ATP10B: variants seen among roughly 807,000 people sequenced by gnomAD.
ATP10B encodes the protein phospholipid-transporting ATPase VB.
In ATP10B, 122 loss-of-function variants were observed where a neutral mutation model predicts 141.2. That is an observed-to-expected ratio of 0.86 (90% CI 0.75 to 1.00). The LOEUF (loss-of-function observed/expected upper bound fraction) is 1.00. Ranked by LOEUF, ATP10B falls within the 50% of genes least tolerant of loss-of-function variation. The pLI is 0.00. For synonymous variants in ATP10B, 685 were observed against 692.0 expected (o/e 0.99, Z 0.16); for missense variants, 1,876 against 1,825.3 (o/e 1.03, Z -0.51).
At chr5:160,602,521 G>A (rs1031961774) in intron 21 of ATP10B, 56 bp downstream of exon 21, 1 of 1,609,304 alleles carries the variant, frequency 6.2e-7, no homozygotes, top group Admixed American at 1.7e-5. Flanking sequence ...GAGAGATCTG[G>A]CCCCGTGGCA....
intron 3 of ATP10B, among the ~76,000 whole-genome samples, chr5:160,701,165 G>A (rs967862516): frequency 1.3e-5 from 2 of 151,918 alleles, no homozygotes; most frequent in Non-Finnish European, 2.9e-5. Context: ...GAAATACTTC[G>A]CCAAACTCTA....
chr5:160,922,669 A>G, the ATP10B span, among the ~76,000 whole-genome samples: 1 of 152,220 alleles, frequency 6.6e-6, no homozygotes, highest in Non-Finnish European at 1.5e-5. Flanking sequence ...ACCAATCTGA[A>G]AAACAAATCT....
chr5:160,874,946 T>C, the ATP10B span, among the ~76,000 whole-genome samples: 17,858 of 135,824 alleles, frequency 0.13, 1,247 homozygotes, highest in African/African-American at 0.18. Context: ...TGGAACCAAG[T>C]TGGAAAACAC....
intron 11 of ATP10B, 78 bp from the exon 12 acceptor site, chr5:160,634,684 G>T: frequency 1.4e-6 from 2 of 1,478,482 alleles, no homozygotes; most frequent in Non-Finnish European, 1.8e-6. Flanking sequence ...AGGTAGCAAA[G>T]GCATTTCATA....
At chr5:160,707,593 C>A (rs982287567) in intron 3 of ATP10B, among the ~76,000 whole-genome samples, 9 of 152,126 alleles carry the variant, frequency 5.9e-5, no homozygotes, top group Non-Finnish European at 1.2e-4. Context: ...AATAGGGGCA[C>A]ACAAATTCAA....
intron 24 of ATP10B, among the ~76,000 whole-genome samples, chr5:160,581,053 T>C (rs1755517891): frequency 6.6e-6 from 1 of 152,112 alleles, no homozygotes; most frequent in Non-Finnish European, 1.5e-5. Context: ...CTCTCATTAG[T>C]CTGGCTAGTG....
intron 5 of ATP10B, among the ~76,000 whole-genome samples, chr5:160,687,357 G>C (rs1234657751): frequency 1.3e-5 from 2 of 152,108 alleles, no homozygotes; most frequent in African/African-American, 2.4e-5. Flanking sequence ...TTTGTTGAAT[G>C]AAAGAATGAA....
At chr5:160,855,398 A>G (rs1382289318), upstream of ATP10B, among the ~76,000 whole-genome samples, 2 of 151,152 alleles carry the variant, frequency 1.3e-5, no homozygotes, top group Non-Finnish European at 3.0e-5. Flanking sequence ...GTATCTTTTT[A>G]TGTGCTTATT....
In ATP10B at chr5:160,648,240, C is replaced by T. The variant is rs367601836; in HGVS notation, c.761+931G>A. Among the ~76,000 whole-genome samples, 36 of 152,336 alleles carry T rather than the reference C, an allele frequency of 2.4e-4. No homozygotes were observed. In the East Asian group the frequency reaches 6.5e-3, roughly 28 times the overall value. On this transcript the variant is annotated intron_variant, in intron 8 of 25. Coordinates refer to ENST00000327245, the MANE Select transcript of ATP10B (RefSeq NM_025153.3). Reference sequence around the variant, plus strand: ...AAACTGTTATAGCAAGCTTGTCCAACCCATGGCCCACATGTGGCCCAGGGT... The same window carrying T: ...AAACTGTTATAGCAAGCTTGTCCAATCCATGGCCCACATGTGGCCCAGGGT...
chr5:160,876,601 G>GT, the ATP10B span, among the ~76,000 whole-genome samples: 1 of 150,570 alleles, frequency 6.6e-6, no homozygotes, highest in Non-Finnish European at 1.5e-5. Flanking sequence ...CCAGAAGCTG[G>GT]TTTTTTGAAA....
the ATP10B span, among the ~76,000 whole-genome samples, chr5:160,860,036 A>G: frequency 6.6e-6 from 1 of 151,902 alleles, no homozygotes. Flanking sequence ...TTTCTAAAAA[A>G]TATAAAACAA....
At chr5:160,873,940 C>G in the ATP10B span, among the ~76,000 whole-genome samples, 1 of 152,234 alleles carries the variant, frequency 6.6e-6, no homozygotes, top group African/African-American at 2.4e-5. Flanking sequence ...AACTGCAAGG[C>G]GGCAGCCAGG....
At chr5:160,663,212 A>C (rs1762065181) in intron 7 of ATP10B, among the ~76,000 whole-genome samples, 2 of 152,332 alleles carry the variant, frequency 1.3e-5, no homozygotes, top group South Asian at 4.1e-4. Flanking sequence ...TAGTTCAACC[A>C]TTGTGGAAGT....
At chr5:160,925,119 T>C in the ATP10B span, among the ~76,000 whole-genome samples, 2 of 152,252 alleles carry the variant, frequency 1.3e-5, no homozygotes, top group African/African-American at 4.8e-5. Flanking sequence ...GTGGAGTTTA[T>C]GTTTCCTTGA....
chr5:160,792,837 T>C (rs10046095), intron 1 of ATP10B, among the ~76,000 whole-genome samples: 44,282 of 152,082 alleles, frequency 0.29, 6,566 homozygotes, highest in African/African-American at 0.33. Flanking sequence ...TCTGGCTTCC[T>C]TTCTACCTGT....
chr5:160,814,790 G>A (rs1373702936), intron 1 of ATP10B, among the ~76,000 whole-genome samples: 1 of 145,786 alleles, frequency 6.9e-6, no homozygotes, highest in Non-Finnish European at 1.5e-5. Context: ...TGATCTCTCA[G>A]CAGAAACTCT....
the ATP10B span, among the ~76,000 whole-genome samples, chr5:160,911,266 C>T: frequency 6.6e-6 from 1 of 152,184 alleles, no homozygotes; most frequent in African/African-American, 2.4e-5. Flanking sequence ...CTCTGCTATA[C>T]GTTGGACATT....
chr5:160,610,905 G>T (rs1757686096), intron 18 of ATP10B, among the ~76,000 whole-genome samples: 1 of 152,080 alleles, frequency 6.6e-6, no homozygotes, highest in South Asian at 2.1e-4. Context: ...CCCATAACTT[G>T]ATTATTGCTT....
intron 13 of ATP10B, among the ~76,000 whole-genome samples, chr5:160,624,092 G>T (rs984574288): frequency 6.6e-6 from 1 of 152,118 alleles, no homozygotes; most frequent in Non-Finnish European, 1.5e-5. Flanking sequence ...GCTAAATCAC[G>T]GTTTAGAAGA....
Sources: gnomAD v4.1 joint callset for allele counts (sites outside exome capture counted in the v4.1 genomes callset) on GRCh38, gnomAD v4.1.1 for gene constraint, MANE v1.5 for transcripts, NCBI Gene and HGNC (gene_info 2026-07-23, HGNC 2026-07-21) for gene names.